The following PLB1 variants were observed in gnomAD, a reference collection of about 807,000 sequenced individuals.
PLB1 encodes the protein phospholipase B1, membrane-associated.
PLB1 carries 242 observed loss-of-function variants against 227.4 expected under a neutral mutation model. The observed-to-expected ratio is 1.06, with a 90% CI of 0.96 to 1.18. The LOEUF is 1.18. Among genes scored for constraint, PLB1 ranks in the 50% most tolerant of loss-of-function variants. PLB1 has a pLI of 0.00. For missense variants in PLB1, 1,858 were observed against 1,816.3 expected (o/e 1.02, Z -0.42); for synonymous variants, 757 against 682.2 (o/e 1.11, Z -1.71).
Position 28,568,810 on chromosome 2 carries a change from G to A in PLB1, c.1324+1971G>A, listed in dbSNP as rs367912588. Among the ~76,000 whole-genome samples, 95 of 152,356 alleles carry A rather than the reference G, an allele frequency of 6.2e-4. 3 individuals are homozygous for A. Among genetic ancestry groups the A allele is most frequent in the African/African-American group, 2.2e-3 (90 of 41,570 alleles). ...GAATTCGTCAGGTAAGGAAAGGGGAGAGAATGTTCCTGGCAGAGAGAACTG... is the reference window on the plus strand; with the variant it reads ...GAATTCGTCAGGTAAGGAAAGGGGAAAGAATGTTCCTGGCAGAGAGAACTG... On this transcript the variant is annotated intron_variant, in intron 20 of 57. Coordinates refer to ENST00000327757, the MANE Select transcript of PLB1 (RefSeq NM_153021.5).
intron 9 of PLB1, among the ~76,000 whole-genome samples, chr2:28,536,645 A>G (rs764133184): frequency 6.6e-6 from 1 of 152,216 alleles, no homozygotes; most frequent in Non-Finnish European, 1.5e-5. Context: ...GATAATAGAC[A>G]TTCTTCCAAA....
intron 6 of PLB1, 90 bp downstream of exon 6, chr2:28,526,035 C>G: frequency 7.0e-7 from 1 of 1,436,984 alleles, no homozygotes; most frequent in African/African-American, 1.4e-5. Context: ...ATGGACACCA[C>G]CAGCCACTTT....
chr2:28,553,617 C>A (rs1674571277), intron 17 of PLB1, among the ~76,000 whole-genome samples: 1 of 152,294 alleles, frequency 6.6e-6, no homozygotes, highest in Middle Eastern at 3.4e-3. Context: ...GAAGTCATGG[C>A]CATCTGGTGA....
chr2:28,604,814 G>GAATT, intron 41 of PLB1, 55 bp downstream of exon 41: 4 of 1,498,446 alleles, frequency 2.7e-6, no homozygotes, highest in Non-Finnish European at 3.7e-6. Context: ...ATGCAAGGCA[G>GAATT]AATTGCCAGT....
chr2:28,575,614 A>G (rs992284641), intron 21 of PLB1, among the ~76,000 whole-genome samples: 1 of 152,220 alleles, frequency 6.6e-6, no homozygotes, highest in Non-Finnish European at 1.5e-5. Context: ...TCTGTTGCCC[A>G]GGCTGGAGTG....
chr2:28,603,256 G>A (rs1339623007), intron 39 of PLB1, among the ~76,000 whole-genome samples: 1 of 152,174 alleles, frequency 6.6e-6, no homozygotes, highest in Non-Finnish European at 1.5e-5. Flanking sequence ...TGGTCAAACT[G>A]TAACAGAAAG....
At chr2:28,596,696 C>T (rs747189953) in intron 33 of PLB1, among the ~76,000 whole-genome samples, 1 of 152,206 alleles carries the variant, frequency 6.6e-6, no homozygotes, top group Non-Finnish European at 1.5e-5. Context: ...GACGCTTAAA[C>T]AAACGCCCAT....
At chr2:28,574,256 T>C (rs1161929991) in intron 21 of PLB1, among the ~76,000 whole-genome samples, 2 of 152,142 alleles carry the variant, frequency 1.3e-5, no homozygotes, top group Non-Finnish European at 2.9e-5. Flanking sequence ...GTAAGTTGTT[T>C]AGTGGTGATT....
In PLB1 at chr2:28,543,201, T is replaced by TGAGG. The variant is rs1241777540; in HGVS notation, c.880-11_880-10insGAGG. 6.2e-7 allele frequency: 1 copy of TGAGG among 1,606,294 alleles called. No individual in the cohort carries two copies. On this transcript the variant is annotated splice_polypyrimidine_tract_variant and intron_variant, in intron 13 of 57. Coordinates refer to ENST00000327757, the MANE Select transcript of PLB1 (RefSeq NM_153021.5). ...GACAAAAGGTCCCGCTGTCAACTGG[T>TGAGG]TCTCTTTTAGGAGGACCCCCGACTC... is the stretch of plus-strand genomic sequence containing the variant.
chr2:28,614,190 A>T (rs1482067364), intron 44 of PLB1, 94 bp downstream of exon 44: 1 of 1,201,456 alleles, frequency 8.3e-7, no homozygotes, highest in Non-Finnish European at 1.2e-6. Context: ...TATTCACTGA[A>T]GCAGAAATGT....
At chr2:28,520,969 C>T (rs1031972356) in intron 4 of PLB1, among the ~76,000 whole-genome samples, 17 of 152,132 alleles carry the variant, frequency 1.1e-4, no homozygotes, top group Admixed American at 6.5e-5. Flanking sequence ...GAGCAAAACT[C>T]TGTCTTAAAA....
chr2:28,630,378 C>T (rs1260793486), intron 53 of PLB1, among the ~76,000 whole-genome samples: 1 of 152,174 alleles, frequency 6.6e-6, no homozygotes, highest in East Asian at 1.9e-4. Context: ...CCTCAGGGCT[C>T]CTGAGTTAGC....
intron 1 of PLB1, among the ~76,000 whole-genome samples, chr2:28,501,502 C>G (rs548603006): frequency 6.6e-6 from 1 of 152,076 alleles, no homozygotes; most frequent in Admixed American, 6.5e-5. Flanking sequence ...TGTGTTTCTT[C>G]TGTTCTTGCT....
In PLB1 at chr2:28,591,136, C is replaced by G. The variant is rs1043428548; in HGVS notation, c.2092C>G (p.Gln698Glu). 1 of 1,614,182 alleles carries G rather than the reference C, an allele frequency of 6.2e-7. No homozygotes were observed. Among genetic ancestry groups the G allele is most frequent in the African/African-American group, 1.3e-5 (1 of 75,048 alleles). Residue 698 changes from glutamine to glutamate, a missense_variant, in exon 30 of 58, where the codon CAG becomes GAG. Transcript: ENST00000327757. ...KINITCPNQV[Q>E]PFLRTYKNSM... is the part of the protein sequence containing the mutation. ...GCTCACCCCCCTCTCCTCACAGGTCCAGCCGTTTCTGAGGACCTACAAGAA... is the reference window on the plus strand; with the variant it reads ...GCTCACCCCCCTCTCCTCACAGGTCGAGCCGTTTCTGAGGACCTACAAGAA...
chr2:28,560,727 A>G (rs1407239530), intron 17 of PLB1, among the ~76,000 whole-genome samples: 1 of 152,228 alleles, frequency 6.6e-6, no homozygotes, highest in African/African-American at 2.4e-5. Context: ...GAAGCCAGAC[A>G]CAAAGAGTCA....
chr2:28,566,331 TC>T (rs1276558045), intron 19 of PLB1: 1 of 156,582 alleles, frequency 6.4e-6, no homozygotes, highest in African/African-American at 2.4e-5. Context: ...CTAACTTTGA[TC>T]ACCTTGGAAT....
intron 33 of PLB1, chr2:28,595,989 C>T (rs1257371152): frequency 6.6e-6 from 1 of 152,194 alleles, no homozygotes; most frequent in Non-Finnish European, 1.5e-5. Flanking sequence ...AGAGCATTGC[C>T]TTTTCTTCCA....
chr2:28,505,604 A>G (rs1667555563), intron 1 of PLB1, among the ~76,000 whole-genome samples: 1 of 152,226 alleles, frequency 6.6e-6, no homozygotes. Context: ...GGGTGAACTC[A>G]TTGAGTGAGA....
intron 10 of PLB1, 71 bp from the exon 11 acceptor site, chr2:28,539,028 G>C: frequency 8.0e-7 from 1 of 1,250,222 alleles, no homozygotes; most frequent in Non-Finnish European, 1.2e-6. Context: ...GGCCCAAGCA[G>C]GAGTTCCAGA....
Sources: allele counts gnomAD v4.1 joint callset (sites outside exome capture counted in the v4.1 genomes callset), GRCh38; gene constraint gnomAD v4.1.1; transcripts MANE v1.5; gene names NCBI Gene and HGNC (gene_info 2026-07-23, HGNC 2026-07-21).